GRIN2B: variants seen among roughly 807,000 people sequenced by gnomAD.
GRIN2B encodes glutamate ionotropic receptor NMDA type subunit 2B.
GRIN2B carries 5 observed loss-of-function variants against 114.5 expected under a neutral mutation model. That is an observed-to-expected ratio of 0.04 (90% CI 0.02 to 0.09). The LOEUF (loss-of-function observed/expected upper bound fraction) is 0.09, where lower values mean the gene tolerates loss of function less well. Among genes scored for constraint, GRIN2B ranks in the 10% least tolerant of loss-of-function variants. The pLI is 1.00. For synonymous variants in GRIN2B, 787 were observed against 745.1 expected (o/e 1.06, Z -0.92); for missense variants, 1,108 against 1,943.5 (o/e 0.57, Z 8.08).
At chr12:13,913,645 T>C (rs1462759584) in intron 2 of GRIN2B, among the ~76,000 whole-genome samples, 2 of 152,180 alleles carry the variant, frequency 1.3e-5, no homozygotes, top group Admixed American at 1.3e-4. Flanking sequence ...TGAATTGTTG[T>C]GTTGTGTAGT....
chr12:13,570,153 T>G (rs1948688014), intron 11 of GRIN2B, 136 bp from the exon 12 acceptor site: 1 of 675,202 alleles, frequency 1.5e-6, no homozygotes, highest in Non-Finnish European at 2.6e-6. Flanking sequence ...AAGTTGGAAC[T>G]CTGCCAGAAT....
At chr12:13,631,406 C>G (rs555816536) in intron 5 of GRIN2B, among the ~76,000 whole-genome samples, 4 of 152,184 alleles carry the variant, frequency 2.6e-5, no homozygotes, top group African/African-American at 9.6e-5. Flanking sequence ...TGCCAAAATA[C>G]CCTCATATAG....
chr12:13,838,673 G>T (rs569053644), intron 3 of GRIN2B, among the ~76,000 whole-genome samples: 1 of 152,088 alleles, frequency 6.6e-6, no homozygotes, highest in Non-Finnish European at 1.5e-5. Context: ...CATTCCATCA[G>T]CAGTCACTGA....
At chr12:13,755,651 C>T (rs1244366393) in intron 3 of GRIN2B, among the ~76,000 whole-genome samples, 1 of 152,170 alleles carries the variant, frequency 6.6e-6, no homozygotes, top group Non-Finnish European at 1.5e-5. Flanking sequence ...AAACCCTGGC[C>T]AGTCCCTGAT....
chr12:13,667,664 G>C (rs1302905364), intron 5 of GRIN2B, among the ~76,000 whole-genome samples: 1 of 152,088 alleles, frequency 6.6e-6, no homozygotes, highest in African/African-American at 2.4e-5. Flanking sequence ...AATAAAAAGG[G>C]AACATGTCCT....
chr12:13,600,915 A>C (rs1232867629), intron 10 of GRIN2B, among the ~76,000 whole-genome samples: 1 of 152,218 alleles, frequency 6.6e-6, no homozygotes, highest in Non-Finnish European at 1.5e-5. Context: ...AAAATTAACC[A>C]GCAAGGAGAA....
intron 2 of GRIN2B, chr12:13,977,251 T>A (rs917067920): frequency 1.3e-4 from 20 of 152,266 alleles, no homozygotes; most frequent in South Asian, 2.1e-4. Flanking sequence ...AAAGCATGGA[T>A]CTTCAGACAG....
chr12:13,845,602 C>T (rs112441371), intron 3 of GRIN2B, among the ~76,000 whole-genome samples: 1 of 152,136 alleles, frequency 6.6e-6, no homozygotes, highest in African/African-American at 2.4e-5. Context: ...AGGCAAGTCA[C>T]TTAATCTTTC....
chr12:13,960,223 T>C (rs1867666227), intron 2 of GRIN2B, among the ~76,000 whole-genome samples: 1 of 152,158 alleles, frequency 6.6e-6, no homozygotes. Context: ...AGAGGTAATA[T>C]TGATATTTAT....
chr12:13,667,159 A>T (rs751039796), intron 5 of GRIN2B, among the ~76,000 whole-genome samples: 1 of 152,178 alleles, frequency 6.6e-6, no homozygotes, highest in Non-Finnish European at 1.5e-5. Flanking sequence ...TGAAACCAAC[A>T]TGATGAAAAA....
chr12:13,707,611 T>G (rs897582491), intron 4 of GRIN2B, among the ~76,000 whole-genome samples: 3 of 152,134 alleles, frequency 2.0e-5, no homozygotes, highest in Non-Finnish European at 4.4e-5. Context: ...ATGCATTTTT[T>G]GAACACTTAT....
rs1465813187 is a variant in GRIN2B at position 13,556,819 on chromosome 12, C to G, written c.*5964G>C. 2 of 152,188 alleles carry G rather than the reference C, an allele frequency of 1.3e-5. No individual in the cohort carries two copies. The highest frequency in any genetic ancestry group is 2.9e-5 in the Non-Finnish European group (2 of 68,038). 9.4% of individuals were successfully genotyped at this position (152,188 alleles called of 1,614,324 possible). A position where few individuals can be genotyped will look rare whatever the true frequency, so the allele number is the denominator to read the frequency against. On this transcript the variant is annotated 3_prime_UTR_variant, in exon 14 of 14. Transcript: ENST00000609686. ...CAGCAATTATATTCAAAGCATGAAG[C>G]AGCTCCAGAAACTCACTGTACAGAG...
chr12:13,769,534 T>C (rs1452149251), intron 3 of GRIN2B, among the ~76,000 whole-genome samples: 1 of 152,170 alleles, frequency 6.6e-6, no homozygotes, highest in Non-Finnish European at 1.5e-5. Flanking sequence ...CCACTGGTGT[T>C]TATTCAGTAT....
In GRIN2B at chr12:13,858,667, C is replaced by CT. The variant is rs142849157; in HGVS notation, c.411+7130dup. ...AATATTTTCTTCATGTAATAATTCA[C>CT]TTTTTTTTAACATATTAACACTTCC... On this transcript the variant is annotated intron_variant, in intron 3 of 13. Transcript: ENST00000609686. Among the ~76,000 whole-genome samples, 732 of 152,088 alleles carry CT rather than the reference C, an allele frequency of 4.8e-3. 2 individuals carry two copies. Among genetic ancestry groups the CT allele is most frequent in the South Asian group, 0.014 (67 of 4,814 alleles).
intron 3 of GRIN2B, among the ~76,000 whole-genome samples, chr12:13,831,284 T>G (rs367557170): frequency 1.3e-5 from 2 of 152,328 alleles, no homozygotes; most frequent in Admixed American, 6.5e-5. Context: ...AGGTACTCCT[T>G]TATAGCAACA....
rs1435117292 is a variant in GRIN2B, at chr12:13,811,440, G to C, written c.411+54358C>G. On this transcript the variant is annotated intron_variant, in intron 3 of 13. Transcript: ENST00000609686. ...CTCTACAAAAGAAAAAATTAGCTGG[G>C]CACAGTGGCATGTGCCTGCATTTTC... is the stretch of plus-strand genomic sequence containing the variant. Among the ~76,000 whole-genome samples, 4 of 152,194 alleles carry C rather than the reference G, an allele frequency of 2.6e-5. No homozygotes were observed. The East Asian group carries it at 7.7e-4, about 29-fold the overall frequency.
chr12:13,948,137 T>C (rs2136843839), intron 2 of GRIN2B, among the ~76,000 whole-genome samples: 1 of 152,274 alleles, frequency 6.6e-6, no homozygotes, highest in African/African-American at 2.4e-5. Flanking sequence ...ATAAATATGA[T>C]ACAAAATGTC....
At chr12:13,698,888 G>T (rs1591683221) in intron 4 of GRIN2B, among the ~76,000 whole-genome samples, 1 of 152,066 alleles carries the variant, frequency 6.6e-6, no homozygotes, top group East Asian at 1.9e-4. Flanking sequence ...TCACCATGTT[G>T]CTCAGGCTGG....
chr12:13,942,049 T>A (rs1867265713), intron 2 of GRIN2B, among the ~76,000 whole-genome samples: 1 of 152,180 alleles, frequency 6.6e-6, no homozygotes. Context: ...TTTACAAGCC[T>A]TTGAAAAAAG....
Sources: gnomAD v4.1 joint callset for allele counts (sites outside exome capture counted in the v4.1 genomes callset) on GRCh38, gnomAD v4.1.1 for gene constraint, MANE v1.5 for transcripts, NCBI Gene and HGNC (gene_info 2026-07-23, HGNC 2026-07-21) for gene names.